The following E2F8 variants were observed in gnomAD, a reference collection of about 807,000 sequenced individuals.
The protein encoded by E2F8 is E2F transcription factor 8.
A neutral mutation model predicts 80.8 loss-of-function variants in E2F8; 35 were observed. The observed-to-expected ratio is 0.43, with a 90% confidence interval of 0.33 to 0.57. The LOEUF (loss-of-function observed/expected upper bound fraction) is 0.57, where lower values mean the gene tolerates loss of function less well. E2F8 is among the 20% of genes least tolerant of loss of function. The probability of loss-of-function intolerance (pLI) is 0.04; values close to 1 mark genes in which losing one functional copy is unlikely to be tolerated. For synonymous variants in E2F8, 386 were observed against 395.0 expected (o/e 0.98, Z 0.27); for missense variants, 975 against 1,056.2 (o/e 0.92, Z 1.07).
intron 10 of E2F8, chr11:19,226,106 C>G (rs1851230538): frequency 8.1e-6 from 4 of 492,826 alleles, no homozygotes; most frequent in East Asian, 3.3e-5. Flanking sequence ...TCTTAGGACA[C>G]CTTTGGATGA....
At position 19,232,230 on chromosome 11, in the gene E2F8, A is replaced by T; in HGVS notation, c.1066+4T>A. 1 of 1,610,094 alleles carries T rather than the reference A, an allele frequency of 6.2e-7. No homozygotes were observed. ...AGCAGAGGGTGAAAGAAAAAAATAC[A>T]TACCACTGGTATTTGGACTGATTTC... On this transcript the variant is annotated splice_donor_region_variant and intron_variant, in intron 7 of 12. Transcript: ENST00000250024.
Position 19,229,789 on chromosome 11 carries a change from A to G in E2F8, c.1558T>C (p.Ser520Pro). ...LILPQAPSGP[S>P]YAIYLQPTQA... ...GTGGGCTGCAGGTAGATGGCATAGG[A>G]TGGGCCTGAAGGGGCCTGAGGTAGG... Residue 520 changes from serine to proline, a missense_variant, in exon 10 of 13, where the codon TCC (serine) becomes CCC (proline). By Grantham distance (74) the Ser-to-Pro change is moderately conservative. Coordinates refer to ENST00000250024, the MANE Select transcript of E2F8 (RefSeq NM_024680.4). The surrounding 1 kb of genome is among the most constrained non-coding windows in gnomAD (Gnocchi z 4.3). 6.2e-7 allele frequency: 1 copy of G among 1,614,022 alleles called. No individual in the cohort carries two copies. The highest frequency in any genetic ancestry group is 8.5e-7 in the Non-Finnish European group (1 of 1,179,984).
Position 19,235,056 on chromosome 11 carries a change from C to T in E2F8, c.454G>A (p.Val152Ile). Residue 152 changes from valine to isoleucine, a missense_variant and splice_region_variant, in exon 5 of 13, where the codon GTT (valine) becomes ATT (isoleucine). Transcript: ENST00000250024. ...ATATCGTAAATGCGTCGACGTTCAA[C>T]ATCTACAAAGAATGTGCAATTGTGT... ...CLDEVAEELN[V>I]ERRRIYDIVN... The T allele has an allele frequency of 6.2e-7, 1 of 1,600,408 alleles. No individual in the cohort carries two copies. Among genetic ancestry groups the T allele is most frequent in the South Asian group, 1.1e-5 (1 of 88,992 alleles).
In E2F8 at chr11:19,224,823, G is replaced by A. The variant is rs775198949; in HGVS notation, c.2439C>T (p.Pro813=). The change falls in exon 13 of 13, where the codon CCC becomes CCT. Residue 813 remains proline, a synonymous_variant. Coordinates refer to ENST00000250024, the MANE Select transcript of E2F8 (RefSeq NM_024680.4). The part of the protein sequence containing the change: ...TGAQQPVPVT[P]KGSQLVAESF... ...TTTCGGCCACTAATTGTGACCCTTTGGGTGTCACAGGAACAGGCTGATTGG... is the reference window on the plus strand; with the variant it reads ...TTTCGGCCACTAATTGTGACCCTTTAGGTGTCACAGGAACAGGCTGATTGG... 3.1e-6 allele frequency: 5 copies of A among 1,614,168 alleles called. No individual in the cohort carries two copies. The highest frequency in any genetic ancestry group is 1.7e-5 in the Admixed American group (1 of 60,032).
rs1590120269 is a variant in E2F8, at chr11:19,224,927, A to T, written c.2422-87T>A. The T allele has an allele frequency of 2.0e-6, 3 of 1,472,926 alleles. No homozygotes were observed. The East Asian group carries it at 6.8e-5, about 34-fold the overall frequency. The allele number at this position is 1,472,926 out of a possible 1,614,324, so 91.2% of individuals were successfully genotyped here. A position where few individuals can be genotyped will look rare whatever the true frequency, so the allele number is the denominator to read the frequency against. On this transcript the variant is annotated intron_variant, in intron 12 of 12. Transcript: ENST00000250024. ...AGACTTGGAAGATTGGGCTGGATGA[A>T]TGTATTGCACATTGGGAAACTGGCG...
In E2F8 at chr11:19,240,114, T is replaced by C. The variant is rs772897173; in HGVS notation, c.8A>G (p.Asn3Ser). 1.3e-6 allele frequency: 2 copies of C among 1,530,454 alleles called. No individual in the cohort carries two copies. The allele number at this position is 1,530,454 out of a possible 1,614,324, so 94.8% of individuals were successfully genotyped here. A position where few individuals can be genotyped will look rare whatever the true frequency, so the allele number is the denominator to read the frequency against. Reference protein sequence around the residue: MENEKENLFCEPH... With the variant: MESEKENLFCEPH... ...ACTGAAGTTATAAAGTACCTTTTCG[T>C]TCTCCATTCTGTAAATTCCTCATAC... Residue 3 changes from asparagine to serine, a missense_variant, in exon 2 of 13, where the codon AAC (asparagine) becomes AGC (serine). Transcript: ENST00000250024.
At chr11:19,230,107 TG>T in intron 9 of E2F8, 119 bp from the exon 10 acceptor site, 2 of 1,487,570 alleles carry the variant, frequency 1.3e-6, no homozygotes, top group African/African-American at 2.8e-5. Flanking sequence ...ATTTCTGTAA[TG>T]AGTGAGTATG....
intron 12 of E2F8, 119 bp downstream of exon 12, chr11:19,225,102 C>G: frequency 7.1e-7 from 1 of 1,418,178 alleles, no homozygotes; most frequent in Non-Finnish European, 9.5e-7. Flanking sequence ...CCTTCAATCT[C>G]CTGACTTTCC....
Position 19,237,305 on chromosome 11 carries a change from C to G in E2F8, c.451+9G>C. 1 of 1,613,702 alleles carries G rather than the reference C, an allele frequency of 6.2e-7. No homozygotes were observed. The highest frequency in any genetic ancestry group is 1.1e-5 in the South Asian group (1 of 90,988). On this transcript the variant is annotated intron_variant, in intron 4 of 12. Transcript: ENST00000250024. ...ATTAATTCTTTCAGTGAGTTCTTTG[C>G]ATACTTACTAAGTTCCTCTGCCACT...
In E2F8 at chr11:19,225,336, T is replaced by C. The variant is rs780624931; in HGVS notation, c.2306A>G (p.Asn769Ser). 2.5e-6 allele frequency: 4 copies of C among 1,614,188 alleles called. No homozygotes were observed. The highest frequency in any genetic ancestry group is 3.4e-6 in the Non-Finnish European group (4 of 1,180,048). ...VPVSPRIESVNVAPENAGTQQ... is the reference protein window; with the variant it reads ...VPVSPRIESVSVAPENAGTQQ... ...AGTGCCTGCATTTTCTGGTGCGACA[T>C]TAACAGACTCTATTCTTGGAGACAC... The change falls in exon 12 of 13, where the codon AAT becomes AGT. Residue 769 changes from asparagine (N) to serine (S), a missense_variant. Physicochemically the swap from Asn to Ser is conservative, Grantham distance 46. Transcript: ENST00000250024.
At position 19,225,777 on chromosome 11, in the gene E2F8, T is replaced by C. The variant is rs1851220781; in HGVS notation, c.1981A>G (p.Ser661Gly). The change falls in exon 11 of 13, where the codon AGT becomes GGT. Residue 661 changes from serine to glycine, a missense_variant. By Grantham distance (56) the Ser-to-Gly change is moderately conservative (BLOSUM62 0). Coordinates refer to ENST00000250024, the MANE Select transcript of E2F8 (RefSeq NM_024680.4). The part of the protein sequence containing the change: ...ESILSGKENS[S>G]ALSPNHRIYS... ...ATCCTGTGGTTTGGGGAAAGAGCAC[T>C]TGAGTTTTCTTTACCAGACAAAATG... The C allele has an allele frequency of 6.2e-7, 1 of 1,614,138 alleles. No homozygotes were observed. The highest frequency in any genetic ancestry group is 8.5e-7 in the Non-Finnish European group (1 of 1,180,022).
rs1851309412 is a variant in E2F8 at position 19,229,297 on chromosome 11, G to A, written c.1893+157C>T. On this transcript the variant is annotated intron_variant, in intron 10 of 12. Coordinates refer to ENST00000250024, the MANE Select transcript of E2F8 (RefSeq NM_024680.4). The surrounding 1 kb of genome is among the most constrained non-coding windows in gnomAD (Gnocchi z 4.3). ...GTCCCTGCCTTCATCCCAGCCAGGG[G>A]ATTAGCTGTTGAGGGCCTCACTTGG... Among the ~76,000 whole-genome samples the A allele has an allele frequency of 6.6e-6, 1 of 152,184 alleles. No individual in the cohort carries two copies. The highest frequency in any genetic ancestry group is 1.5e-5 in the Non-Finnish European group (1 of 68,038).
chr11:19,231,241 CCACA>C (rs1470864743), intron 7 of E2F8, among the ~76,000 whole-genome samples: 1 of 152,112 alleles, frequency 6.6e-6, no homozygotes, highest in East Asian at 1.9e-4. Flanking sequence ...GAGCTCTGAC[CCACA>C]CAGACATTAA....
chr11:19,224,287 T>C lies in E2F8; in HGVS notation c.*371A>G, dbSNP rs554517596. ...GTGCAAAATGTTTAAGGGAATGCTGTGTTAGGCATGTCAAGCATATTTGCT... is the reference window on the plus strand; with the variant it reads ...GTGCAAAATGTTTAAGGGAATGCTGCGTTAGGCATGTCAAGCATATTTGCT... On this transcript the variant is annotated 3_prime_UTR_variant, in exon 13 of 13. Coordinates refer to ENST00000250024, the MANE Select transcript of E2F8 (RefSeq NM_024680.4). 14 of 161,920 alleles carry C rather than the reference T, an allele frequency of 8.6e-5. No homozygotes were observed. In the East Asian group the frequency reaches 2.5e-3, roughly 28 times the overall value. 10.0% of individuals were successfully genotyped at this position (161,920 alleles called of 1,614,324 possible). A position where few individuals can be genotyped will look rare whatever the true frequency, so the allele number is the denominator to read the frequency against.
At chr11:19,235,733 C>CTACT in intron 4 of E2F8, among the ~76,000 whole-genome samples, 1 of 151,994 alleles carries the variant, frequency 6.6e-6, no homozygotes, top group East Asian at 1.9e-4. Context: ...AAAGAGCTAG[C>CTACT]AAGTAGCAAA....
Position 19,234,761 on chromosome 11 carries a change from C to A in E2F8, c.749G>T (p.Gly250Val). ...HPDMCFVELP[G>V]VEFRAASVNS... ...TCTCTCACCTGCCCGAAATTCCACT[C>A]CAGGGAGTTCCACAAAACACATGTC... is the stretch of plus-strand genomic sequence containing the variant. Residue 250 changes from glycine (G) to valine (V), a missense_variant, in exon 5 of 13, where the codon GGA becomes GTA. Gly to Val is a moderately radical substitution (Grantham distance 109). Transcript: ENST00000250024. The A allele has an allele frequency of 6.2e-7, 1 of 1,612,116 alleles. No homozygotes were observed. Among genetic ancestry groups the A allele is most frequent in the African/African-American group, 1.3e-5 (1 of 74,990 alleles).
At chr11:19,226,438 C>A (rs1851238918) in intron 10 of E2F8, among the ~76,000 whole-genome samples, 1 of 152,230 alleles carries the variant, frequency 6.6e-6, no homozygotes, top group Non-Finnish European at 1.5e-5. Context: ...CAGCAGGTAG[C>A]ATTTCCCAAA....
chr11:19,230,022 A>T, intron 9 of E2F8, 34 bp from the exon 10 acceptor site: 2 of 1,609,602 alleles, frequency 1.2e-6, no homozygotes, highest in Non-Finnish European at 1.7e-6. Flanking sequence ...GACATGATGG[A>T]TATACATTTT....
intron 6 of E2F8, among the ~76,000 whole-genome samples, chr11:19,232,908 A>G (rs1457790189): frequency 6.6e-6 from 1 of 152,200 alleles, no homozygotes; most frequent in Non-Finnish European, 1.5e-5. Flanking sequence ...AACCTCACAT[A>G]TCTTAAAGAG....
Sources: gnomAD v4.1 joint callset for allele counts (sites outside exome capture counted in the v4.1 genomes callset) on GRCh38, gnomAD v4.1.1 for gene constraint, Gnocchi (gnomAD v3.1) non-coding constraint, MANE v1.5 for transcripts, NCBI Gene and HGNC (gene_info 2026-07-23, HGNC 2026-07-21) for gene names.